LRCH1: variants seen among roughly 807,000 people sequenced by gnomAD.
LRCH1 encodes leucine-rich repeat and calponin homology domain-containing protein 1.
LRCH1 carries 23 observed loss-of-function variants against 94.9 expected under a neutral mutation model. The observed-to-expected ratio is 0.24, with a 90% CI of 0.17 to 0.34. The LOEUF (loss-of-function observed/expected upper bound fraction) is 0.34, where lower values mean the gene tolerates loss of function less well. Ranked by LOEUF, LRCH1 falls within the 10% of genes least tolerant of loss-of-function variation. The pLI is 1.00. For synonymous variants in LRCH1, 364 were observed against 354.9 expected (o/e 1.03, Z -0.29); for missense variants, 790 against 945.9 (o/e 0.84, Z 2.16).
At chr13:46,719,971 C>A (rs775115401) in intron 16 of LRCH1, among the ~76,000 whole-genome samples, 7 of 152,142 alleles carry the variant, frequency 4.6e-5, no homozygotes, top group Non-Finnish European at 8.8e-5. Flanking sequence ...GCACTCCAGC[C>A]TGGGCGACAG....
intron 18 of LRCH1, among the ~76,000 whole-genome samples, chr13:46,732,029 G>A (rs1873135353): frequency 6.6e-6 from 1 of 152,162 alleles, no homozygotes; most frequent in African/African-American, 2.4e-5. Flanking sequence ...AGGTAAGTGA[G>A]CCTGGGGATT....
intron 1 of LRCH1, among the ~76,000 whole-genome samples, chr13:46,597,136 A>G (rs1010566281): frequency 2.0e-5 from 3 of 152,174 alleles, no homozygotes; most frequent in Non-Finnish European, 2.9e-5. Flanking sequence ...ATTGGTGGAT[A>G]TGTACAGAGC....
At chr13:46,696,013 T>C (rs1233517395) in intron 9 of LRCH1, among the ~76,000 whole-genome samples, 1 of 152,214 alleles carries the variant, frequency 6.6e-6, no homozygotes, top group Non-Finnish European at 1.5e-5. Flanking sequence ...ATATTTAATG[T>C]CATTAATCCA....
chr13:46,657,377 G>A (rs2051382596), intron 2 of LRCH1, among the ~76,000 whole-genome samples: 1 of 59,278 alleles, frequency 1.7e-5, no homozygotes, highest in Non-Finnish European at 3.1e-5. Flanking sequence ...AAGTGCTGTA[G>A]AGAAAAAGAG....
chr13:46,604,530 A>G (rs1005471419), intron 1 of LRCH1, among the ~76,000 whole-genome samples: 48 of 152,224 alleles, frequency 3.2e-4, no homozygotes, highest in African/African-American at 1.0e-3. Context: ...TTAATTTTCA[A>G]TTGTTTGCCT....
chr13:46,662,829 A>G (rs1482540603), intron 2 of LRCH1, among the ~76,000 whole-genome samples: 2 of 152,268 alleles, frequency 1.3e-5, no homozygotes, highest in Non-Finnish European at 2.9e-5. Flanking sequence ...AGGAAAATGC[A>G]CTGTGAAATA....
chr13:46,576,247 A>AT (rs1175178787), intron 1 of LRCH1, among the ~76,000 whole-genome samples: 1 of 152,236 alleles, frequency 6.6e-6, no homozygotes, highest in Admixed American at 6.5e-5. Context: ...CAAGGTTCTC[A>AT]TGCATGGCAG....
At chr13:46,716,362 A>G (rs1248806506) in intron 16 of LRCH1, among the ~76,000 whole-genome samples, 1 of 152,154 alleles carries the variant, frequency 6.6e-6, no homozygotes, top group Non-Finnish European at 1.5e-5. Context: ...ATAAAACATA[A>G]TTATTTAGAT....
chr13:46,585,811 C>T (rs891438446), intron 1 of LRCH1, among the ~76,000 whole-genome samples: 7 of 140,968 alleles, frequency 5.0e-5, no homozygotes, highest in African/African-American at 1.5e-4. Context: ...AATGTAATTA[C>T]GGTACTAAGA....
At chr13:46,657,820 T>C (rs1431465529) in intron 2 of LRCH1, among the ~76,000 whole-genome samples, 3 of 151,202 alleles carry the variant, frequency 2.0e-5, no homozygotes, top group Non-Finnish European at 4.4e-5. Flanking sequence ...TGAGCCACCA[T>C]GCCTAGCCAC....
chr13:46,605,780 A>T (rs1179692107), intron 1 of LRCH1, among the ~76,000 whole-genome samples: 1 of 152,194 alleles, frequency 6.6e-6, no homozygotes, highest in Non-Finnish European at 1.5e-5. Context: ...AAAAAATGTT[A>T]CATTTCTTGG....
At chr13:46,557,020 T>G (rs2050073414) in intron 1 of LRCH1, among the ~76,000 whole-genome samples, 1 of 152,216 alleles carries the variant, frequency 6.6e-6, no homozygotes, top group South Asian at 2.1e-4. Flanking sequence ...TGGAATATCT[T>G]TGTTTTATAA....
intron 13 of LRCH1, among the ~76,000 whole-genome samples, chr13:46,707,210 C>T (rs909487023): frequency 6.6e-6 from 1 of 152,132 alleles, no homozygotes; most frequent in African/African-American, 2.4e-5. Context: ...ATTTCCATGA[C>T]CTTTCTTTGA....
chr13:46,704,595 T>C (rs1162931564), intron 11 of LRCH1, among the ~76,000 whole-genome samples: 1 of 152,070 alleles, frequency 6.6e-6, no homozygotes, highest in Non-Finnish European at 1.5e-5. Context: ...AGCAGAAATT[T>C]AGAAACTGTT....
Position 46,650,311 on chromosome 13 carries a change from G to C in LRCH1, c.418G>C (p.Val140Leu), listed in dbSNP as rs147924167. The change falls in exon 2 of 20, where the codon GTT becomes CTT. Residue 140 changes from valine (V) to leucine (L), a missense_variant. This residue lies in a region of LRCH1 where 194 missense variants were observed against 293.5 expected (regional missense o/e 0.66). Coordinates refer to ENST00000389797, the MANE Select transcript of LRCH1 (RefSeq NM_001164211.2). Reference sequence around the variant, plus strand: ...TATCAGAGTCATTCCTGAGGCCATCGTTAATCTGCAGATGCTGACTTACCT... The same window carrying C: ...TATCAGAGTCATTCCTGAGGCCATCCTTAATCTGCAGATGCTGACTTACCT... ...NCIRVIPEAIVNLQMLTYLNL... is the reference protein window; with the variant it reads ...NCIRVIPEAILNLQMLTYLNL... 6 of 1,604,674 alleles carry C rather than the reference G, an allele frequency of 3.7e-6. No homozygotes were observed. The highest frequency in any genetic ancestry group is 2.3e-5 in the East Asian group (1 of 44,376).
intron 4 of LRCH1, among the ~76,000 whole-genome samples, chr13:46,685,539 G>A (rs1440622773): frequency 4.6e-5 from 7 of 152,088 alleles, no homozygotes; most frequent in Non-Finnish European, 1.0e-4. Flanking sequence ...ATGGGCTAGC[G>A]AGTGCTACTG....
rs1322751626 is a variant in LRCH1 at position 46,741,983 on chromosome 13, C to CAGT, written c.*138_*140dup. On this transcript the variant is annotated 3_prime_UTR_variant, in exon 20 of 20. Coordinates refer to ENST00000389797, the MANE Select transcript of LRCH1 (RefSeq NM_001164211.2). ...TTATCTCTCGAGTTTTGAAGCTGAA[C>CAGT]AGTAGCAAATCAGATTTTCCAGAAG... is the stretch of plus-strand genomic sequence containing the variant. 7 of 1,515,488 alleles carry CAGT rather than the reference C, an allele frequency of 4.6e-6. No homozygotes were observed. In the Middle Eastern group the frequency reaches 7.4e-4, roughly 161 times the overall value. 93.9% of individuals were successfully genotyped at this position (1,515,488 alleles called of 1,614,324 possible). A position where few individuals can be genotyped will look rare whatever the true frequency, so the allele number is the denominator to read the frequency against.
chr13:46,724,206 G>A (rs1016640206), intron 17 of LRCH1, among the ~76,000 whole-genome samples: 5 of 152,044 alleles, frequency 3.3e-5, no homozygotes, highest in East Asian at 3.9e-4. Context: ...ATGAGCCACC[G>A]CACCCAGCTG....
intron 1 of LRCH1, among the ~76,000 whole-genome samples, chr13:46,641,906 T>C (rs1198996659): frequency 3.9e-5 from 6 of 152,248 alleles, no homozygotes; most frequent in African/African-American, 9.6e-5. Flanking sequence ...GTGACTCTTA[T>C]TGTTTTATTT....
Sources: gnomAD v4.1 joint callset for allele counts (sites outside exome capture counted in the v4.1 genomes callset) on GRCh38, gnomAD v4.1.1 for gene constraint, gnomAD v4.1.1 regional missense constraint, MANE v1.5 for transcripts, NCBI Gene and HGNC (gene_info 2026-07-23, HGNC 2026-07-21) for gene names.